Variants in ROBO2 observed in about 807,000 individuals in gnomAD.
ROBO2 encodes the protein roundabout guidance receptor 2.
In ROBO2, 53 loss-of-function variants were observed where a neutral mutation model predicts 160.8. The ratio of observed to expected loss-of-function variants is 0.33; its 90% CI spans 0.26 to 0.41. The LOEUF (loss-of-function observed/expected upper bound fraction) is 0.41, where lower values mean the gene tolerates loss of function less well. ROBO2 is among the 10% of genes least tolerant of loss of function. The probability of loss-of-function intolerance (pLI) is 1.00; values close to 1 mark genes in which losing one functional copy is unlikely to be tolerated. For synonymous variants in ROBO2, 664 were observed against 611.7 expected, an observed-to-expected ratio of 1.09 and a Z score of -1.26; for missense variants, 1,577 against 1,722.4, an observed-to-expected ratio of 0.92 and a Z score of 1.49.
chr3:76,690,873 G>T lies in ROBO2; in HGVS notation c.110-407141G>T, dbSNP rs147767121. Among the ~76,000 whole-genome samples, 550 of 152,076 alleles carry T rather than the reference G, an allele frequency of 3.6e-3. 1 individual carries two copies. The highest frequency in any genetic ancestry group is 0.012 in the African/African-American group (499 of 41,504). Reference sequence around the variant, plus strand: ...CCAGGTAGGCATGTGCTATGCATGTGCCTTCTAAAACTCATGTTGAAATTT... The same window carrying T: ...CCAGGTAGGCATGTGCTATGCATGTTCCTTCTAAAACTCATGTTGAAATTT... On this transcript the variant is annotated intron_variant, in intron 2 of 26. Coordinates refer to the ROBO2 transcript ENST00000487694.
chr3:76,368,759 C>A (rs1046358063), intron 2 of ROBO2, among the ~76,000 whole-genome samples: 4 of 151,956 alleles, frequency 2.6e-5, no homozygotes, highest in Admixed American at 2.6e-4. Context: ...GACGTGGGAT[C>A]TATGTTCCCC....
chr3:76,187,527 G>A (rs1482401285), intron 2 of ROBO2, among the ~76,000 whole-genome samples: 1 of 152,034 alleles, frequency 6.6e-6, no homozygotes, highest in Non-Finnish European at 1.5e-5. Context: ...TCTTGCCTTG[G>A]CCTCACAAAG....
intron 2 of ROBO2, among the ~76,000 whole-genome samples, chr3:76,988,115 A>G (rs2060482691): frequency 6.6e-6 from 1 of 152,196 alleles, no homozygotes; most frequent in Non-Finnish European, 1.5e-5. Context: ...GCATTACACC[A>G]TTGTTCATCT....
chr3:77,560,057 C>T (rs185654808), intron 9 of ROBO2, among the ~76,000 whole-genome samples: 4 of 152,064 alleles, frequency 2.6e-5, no homozygotes, highest in African/African-American at 9.7e-5. Flanking sequence ...GAGGTTAATG[C>T]ATTTTCACTG....
At chr3:76,415,987 A>G (rs545211582) in intron 2 of ROBO2, among the ~76,000 whole-genome samples, 25 of 152,260 alleles carry the variant, frequency 1.6e-4, no homozygotes, top group African/African-American at 5.5e-4. Context: ...TAGCAATGCA[A>G]AGTGTAGGAA....
Position 76,776,180 on chromosome 3 carries a change from A to C in ROBO2, c.110-321834A>C, listed in dbSNP as rs546702305. On this transcript the variant is annotated intron_variant, in intron 2 of 26. Coordinates refer to the ROBO2 transcript ENST00000487694. ...CCCAAAGAAAAGCATGCACATTAAC[A>C]CACACAGTCAACATTTTGAACTCTA... 1.8e-4 allele frequency among the ~76,000 whole-genome samples: 27 copies of C among 151,058 alleles called. No homozygotes were observed. The South Asian group carries it at 5.2e-3, about 29-fold the overall frequency.
At chr3:76,027,236 T>C (rs2107689094) in intron 2 of ROBO2, among the ~76,000 whole-genome samples, 1 of 151,930 alleles carries the variant, frequency 6.6e-6, no homozygotes, top group East Asian at 1.9e-4. Flanking sequence ...TAGGTAAGTA[T>C]AACTCAATTA....
At chr3:77,006,721 C>CT (rs1381854943) in intron 2 of ROBO2, among the ~76,000 whole-genome samples, 1 of 151,336 alleles carries the variant, frequency 6.6e-6, no homozygotes, top group Non-Finnish European at 1.5e-5. Context: ...AATCCAAGGC[C>CT]TAAGAGAATA....
At chr3:76,865,932 T>A (rs2071327280) in intron 2 of ROBO2, among the ~76,000 whole-genome samples, 1 of 152,126 alleles carries the variant, frequency 6.6e-6, no homozygotes, top group Non-Finnish European at 1.5e-5. Context: ...ATGATTTTAT[T>A]AATTTAGACA....
In ROBO2 at chr3:76,211,899, A is replaced by T. The variant is rs148957646; in HGVS notation, c.109+274297A>T. Among the ~76,000 whole-genome samples the T allele has an allele frequency of 6.3e-3, 954 of 152,136 alleles. 8 individuals carry two copies. Among genetic ancestry groups the T allele is most frequent in the Non-Finnish European group, 0.011 (746 of 67,904 alleles). ...TAGGATTTTGTCTGGTTAATAAAAG[A>T]TAATAAATTGCTTTAAACATGTTTC... On this transcript the variant is annotated intron_variant, in intron 2 of 26. Transcript: ENST00000487694.
rs150049318 is a variant in ROBO2, at chr3:77,281,442, T to A, written c.388+183102T>A. On this transcript the variant is annotated intron_variant, in intron 2 of 25. Coordinates refer to ENST00000461745, the Ensembl canonical transcript of ROBO2. Reference sequence around the variant, plus strand: ...TTCCAGTTAGACAAGAATTTTACTGTCTCTATATGAAGACTTCACTTTGCA... The same window carrying A: ...TTCCAGTTAGACAAGAATTTTACTGACTCTATATGAAGACTTCACTTTGCA... Among the ~76,000 whole-genome samples the A allele has an allele frequency of 2.0e-5, 3 of 151,884 alleles. No homozygotes were observed. The East Asian group carries it at 5.8e-4, about 30-fold the overall frequency.
At chr3:76,575,617 G>A (rs890866959) in intron 2 of ROBO2, among the ~76,000 whole-genome samples, 1 of 151,954 alleles carries the variant, frequency 6.6e-6, no homozygotes, top group Admixed American at 6.6e-5. Flanking sequence ...CAAAAAATAC[G>A]ACTTGTTCTC....
Position 77,467,723 on chromosome 3 carries a change from C to T in ROBO2, c.389-9691C>T, listed in dbSNP as rs183629743. On this transcript the variant is annotated intron_variant, in intron 2 of 25. Transcript: ENST00000461745. ...AACCTTAAAACAATCTGGTGTTTCC[C>T]CTTGTTACCATCTTAAAAAGCACTA... is the stretch of plus-strand genomic sequence containing the variant. 8.6e-5 allele frequency among the ~76,000 whole-genome samples: 13 copies of T among 151,654 alleles called. No individual in the cohort carries two copies. The East Asian group carries it at 2.3e-3, about 27-fold the overall frequency.
At chr3:76,038,895 A>G (rs2067199574) in intron 2 of ROBO2, among the ~76,000 whole-genome samples, 1 of 151,934 alleles carries the variant, frequency 6.6e-6, no homozygotes, top group Admixed American at 6.6e-5. Flanking sequence ...AGTAGTGATT[A>G]GCTCTTTTGT....
At position 76,141,923 on chromosome 3, in the gene ROBO2, C is replaced by G. The variant is rs75682343; in HGVS notation, c.109+204321C>G. On this transcript the variant is annotated intron_variant, in intron 2 of 26. Coordinates refer to the ROBO2 transcript ENST00000487694. Reference sequence around the variant, plus strand: ...CCCAGACTCTAAAACTGTAACTATTCCATAGTAGGCACTAATGCACATTAG... The same window carrying G: ...CCCAGACTCTAAAACTGTAACTATTGCATAGTAGGCACTAATGCACATTAG... Among the ~76,000 whole-genome samples, 1,435 of 152,034 alleles carry G rather than the reference C, an allele frequency of 9.4e-3. 5 individuals carry two copies. The highest frequency in any genetic ancestry group is 0.014 in the Non-Finnish European group (957 of 67,952).
At chr3:76,669,052 C>G (rs1236421848) in intron 2 of ROBO2, among the ~76,000 whole-genome samples, 1 of 152,024 alleles carries the variant, frequency 6.6e-6, no homozygotes, top group Admixed American at 6.6e-5. Context: ...AGATATTGTA[C>G]TCTTTTCAGT....
chr3:77,373,556 A>G (rs1327264120), intron 2 of ROBO2, among the ~76,000 whole-genome samples: 1 of 152,130 alleles, frequency 6.6e-6, no homozygotes, highest in Non-Finnish European at 1.5e-5. Flanking sequence ...AAGTTTCTCA[A>G]AAATAATAGT....
intron 2 of ROBO2, among the ~76,000 whole-genome samples, chr3:76,780,867 CT>C (rs553900327): frequency 6.7e-6 from 1 of 148,916 alleles, no homozygotes; most frequent in Non-Finnish European, 1.5e-5. Flanking sequence ...CAGCTTTGTT[CT>C]TTTTTTTCAA....
chr3:76,893,288 A>C (rs2074497437), intron 2 of ROBO2, among the ~76,000 whole-genome samples: 1 of 150,156 alleles, frequency 6.7e-6, no homozygotes, highest in African/African-American at 2.4e-5. Context: ...GAAAAAAAAA[A>C]CAAATTTAGA....
Sources: gnomAD v4.1 joint callset for allele counts (sites outside exome capture counted in the v4.1 genomes callset) on GRCh38, gnomAD v4.1.1 for gene constraint, MANE v1.5 for transcripts, NCBI Gene and HGNC (gene_info 2026-07-23, HGNC 2026-07-21) for gene names.